TNNI3K: variants seen among roughly 807,000 people sequenced by gnomAD.
TNNI3K encodes the protein serine/threonine-protein kinase TNNI3K.
In TNNI3K, 140 loss-of-function variants were observed where a neutral mutation model predicts 114.5. The observed-to-expected ratio is 1.22, with a 90% CI of 1.07 to 1.41. TNNI3K has a LOEUF of 1.41. Ranked by LOEUF, TNNI3K falls within the 40% of genes most tolerant of loss-of-function variation. The probability of loss-of-function intolerance (pLI) is 0.00; values close to 1 mark genes in which losing one functional copy is unlikely to be tolerated. For synonymous variants in TNNI3K, 347 were observed against 347.5 expected (o/e 1.00, Z 0.02); for missense variants, 1,125 against 1,007.6 (o/e 1.12, Z -1.58).
At chr1:74,241,624 G>T (rs865978750) in intron 2 of TNNI3K, among the ~76,000 whole-genome samples, 30 of 152,110 alleles carry the variant, frequency 2.0e-4, no homozygotes, top group African/African-American at 6.5e-4. Flanking sequence ...TGTTGATGGG[G>T]TTGTTTTTTT....
chr1:74,478,916 A>G lies in TNNI3K; in HGVS notation c.2122-10273A>G, dbSNP rs1668339962. 2.0e-5 allele frequency among the ~76,000 whole-genome samples: 3 copies of G among 152,170 alleles called. No individual in the cohort carries two copies. The South Asian group carries it at 6.2e-4, about 32-fold the overall frequency. On this transcript the variant is annotated intron_variant, in intron 21 of 24. Transcript: ENST00000326637. ...CTGACATAGTTACATGGTTTTTAAA[A>G]GAATTTATTTTCCTAACATTTGAAT...
chr1:74,471,100 G>A (rs771839281), intron 21 of TNNI3K: 8 of 400,590 alleles, frequency 2.0e-5, no homozygotes, highest in Non-Finnish European at 3.1e-5. Flanking sequence ...TGTAGGTTGG[G>A]GCAATTTTGA....
chr1:74,478,346 A>G (rs1011893180), intron 21 of TNNI3K, among the ~76,000 whole-genome samples: 5 of 152,222 alleles, frequency 3.3e-5, no homozygotes, highest in African/African-American at 1.2e-4. Flanking sequence ...TTATTCATGT[A>G]TATTAAGCTC....
At chr1:74,247,952 G>C (rs1232405349) in intron 2 of TNNI3K, among the ~76,000 whole-genome samples, 1 of 152,134 alleles carries the variant, frequency 6.6e-6, no homozygotes, top group Non-Finnish European at 1.5e-5. Flanking sequence ...GGAGCAGGGG[G>C]TGGTGCCCGT....
intron 9 of TNNI3K, among the ~76,000 whole-genome samples, chr1:74,344,385 A>G (rs1373825798): frequency 6.6e-6 from 1 of 152,236 alleles, no homozygotes; most frequent in Admixed American, 6.5e-5. Context: ...AAAGTTTCTT[A>G]TGGATAGAAA....
chr1:74,382,102 T>C (rs1663231411), intron 17 of TNNI3K, among the ~76,000 whole-genome samples: 1 of 152,196 alleles, frequency 6.6e-6, no homozygotes, highest in Admixed American at 6.5e-5. Flanking sequence ...AAAATTAGCA[T>C]TGAGAAAGTT....
chr1:74,300,048 C>A (rs1014140212), intron 5 of TNNI3K, among the ~76,000 whole-genome samples: 1 of 152,046 alleles, frequency 6.6e-6, no homozygotes, highest in African/African-American at 2.4e-5. Flanking sequence ...TTGCGTCTAC[C>A]TTGAATTCAC....
intron 17 of TNNI3K, among the ~76,000 whole-genome samples, chr1:74,398,765 A>G (rs1289948319): frequency 6.6e-6 from 1 of 152,150 alleles, no homozygotes; most frequent in East Asian, 1.9e-4. Context: ...TGGAAGGTAT[A>G]CATATTAGAT....
intron 21 of TNNI3K, among the ~76,000 whole-genome samples, chr1:74,473,791 T>C (rs541404379): frequency 2.0e-5 from 3 of 152,054 alleles, no homozygotes; most frequent in African/African-American, 7.2e-5. Flanking sequence ...GTAAACAAAT[T>C]ATGTTGGGGA....
At chr1:74,368,950 A>G in intron 13 of TNNI3K, 72 bp from the exon 14 acceptor site, 1 of 1,174,424 alleles carries the variant, frequency 8.5e-7, no homozygotes, top group Non-Finnish European at 1.2e-6. Context: ...TTAAATATAT[A>G]TATGCACATG....
chr1:74,253,371 G>A (rs1655066509), intron 4 of TNNI3K, among the ~76,000 whole-genome samples: 1 of 152,178 alleles, frequency 6.6e-6, no homozygotes, highest in Non-Finnish European at 1.5e-5. Flanking sequence ...AATGGGATGG[G>A]GCACTGTGGA....
At chr1:74,502,543 T>C (rs1669686022) in intron 23 of TNNI3K, among the ~76,000 whole-genome samples, 1 of 152,224 alleles carries the variant, frequency 6.6e-6, no homozygotes, top group African/African-American at 2.4e-5. Flanking sequence ...TGCCAACATG[T>C]TTGCCAACAC....
chr1:74,481,942 A>G (rs1355891241), intron 21 of TNNI3K, among the ~76,000 whole-genome samples: 1 of 152,184 alleles, frequency 6.6e-6, no homozygotes, highest in African/African-American at 2.4e-5. Context: ...TCGCGGAAAC[A>G]AAGAGATTAA....
intron 4 of TNNI3K, among the ~76,000 whole-genome samples, chr1:74,255,686 T>C (rs923762578): frequency 1.3e-5 from 2 of 152,214 alleles, no homozygotes; most frequent in Non-Finnish European, 2.9e-5. Context: ...CTACAATTGT[T>C]AGCTTTTGAA....
intron 17 of TNNI3K, among the ~76,000 whole-genome samples, chr1:74,417,281 A>G (rs1271202181): frequency 6.6e-6 from 1 of 151,984 alleles, no homozygotes; most frequent in East Asian, 1.9e-4. Context: ...TGTTGGCTAT[A>G]TTTCATGTAC....
intron 4 of TNNI3K, among the ~76,000 whole-genome samples, chr1:74,265,292 A>G (rs978576995): frequency 6.6e-6 from 1 of 152,062 alleles, no homozygotes; most frequent in Non-Finnish European, 1.5e-5. Flanking sequence ...TCAGATCCCA[A>G]TACAGAGCTG....
intron 5 of TNNI3K, among the ~76,000 whole-genome samples, chr1:74,294,135 A>G (rs1287009265): frequency 6.6e-6 from 1 of 151,820 alleles, no homozygotes; most frequent in Non-Finnish European, 1.5e-5. Context: ...TTTATGGTGT[A>G]CAACATGATG....
At chr1:74,287,352 C>A (rs1268824284) in intron 5 of TNNI3K, among the ~76,000 whole-genome samples, 1 of 152,018 alleles carries the variant, frequency 6.6e-6, no homozygotes. Context: ...AAATGAATAT[C>A]CTTATCCATG....
At chr1:74,253,744 C>T (rs1033156039) in intron 4 of TNNI3K, among the ~76,000 whole-genome samples, 52 of 152,238 alleles carry the variant, frequency 3.4e-4, no homozygotes, top group African/African-American at 1.2e-3. Flanking sequence ...CACACCTCCC[C>T]GCAGGCCGAG....
Sources: allele counts gnomAD v4.1 joint callset (sites outside exome capture counted in the v4.1 genomes callset), GRCh38; gene constraint gnomAD v4.1.1; transcripts MANE v1.5; gene names NCBI Gene and HGNC (gene_info 2026-07-23, HGNC 2026-07-21).